The following RNF24 variants were observed in gnomAD, a reference collection of about 807,000 sequenced individuals.
RNF24 encodes the protein ring finger protein 24.
A neutral mutation model predicts 20.0 loss-of-function variants in RNF24; 14 were observed. That is an observed-to-expected ratio of 0.70 (90% confidence interval 0.46 to 1.10). RNF24 has a LOEUF of 1.10. Ranked by LOEUF, RNF24 falls within the 50% of genes least tolerant of loss-of-function variation. RNF24 has a pLI of 0.00. For synonymous variants in RNF24, 45 were observed against 61.1 expected, an observed-to-expected ratio of 0.74 and a Z score of 1.23; for missense variants, 124 against 177.6, an observed-to-expected ratio of 0.70 and a Z score of 1.71.
At chr20:4,010,930 G>A in intron 1 of RNF24, among the ~76,000 whole-genome samples, 1 of 152,192 alleles carries the variant, frequency 6.6e-6, no homozygotes, top group East Asian at 1.9e-4. Context: ...TCAAGAGGAG[G>A]AAACAAAGAC....
At chr20:4,003,911 T>A (rs945593726) in intron 1 of RNF24, among the ~76,000 whole-genome samples, 3 of 151,916 alleles carry the variant, frequency 2.0e-5, no homozygotes, top group Non-Finnish European at 4.4e-5. Context: ...TTCCAAAGTG[T>A]TGGGATTACA....
chr20:3,971,486 T>G (rs1978353581), intron 1 of RNF24, among the ~76,000 whole-genome samples: 1 of 152,202 alleles, frequency 6.6e-6, no homozygotes, highest in Admixed American at 6.5e-5. Flanking sequence ...TTCCTTCTCT[T>G]GAGTTTTCTA....
Position 3,964,029 on chromosome 20 carries a change from G to T in RNF24, c.-7-5C>A. ...AAATCCGAGCTCATGGATGAACTGT[G>T]GGGGAAGAAAAGAATGGAAAAAAAA... On this transcript the variant is annotated splice_region_variant and splice_polypyrimidine_tract_variant and intron_variant, in intron 1 of 5. Transcript: ENST00000358395. 1 of 1,609,708 alleles carries T rather than the reference G, an allele frequency of 6.2e-7. No homozygotes were observed.
At chr20:3,998,494 G>A (rs1049527792) in intron 1 of RNF24, among the ~76,000 whole-genome samples, 4 of 136,596 alleles carry the variant, frequency 2.9e-5, no homozygotes, top group South Asian at 2.4e-4. Context: ...AGAATCACTT[G>A]AACCCGAGAG....
At chr20:3,980,256 TAAG>T (rs1311222873) in intron 1 of RNF24, among the ~76,000 whole-genome samples, 1 of 152,206 alleles carries the variant, frequency 6.6e-6, no homozygotes, top group Non-Finnish European at 1.5e-5. Context: ...CTTGCATAGA[TAAG>T]TAGTCTGCTA....
At chr20:3,946,569 G>A (rs1395553541) in intron 3 of RNF24, among the ~76,000 whole-genome samples, 1 of 151,324 alleles carries the variant, frequency 6.6e-6, no homozygotes, top group Non-Finnish European at 1.5e-5. Context: ...TGCGCCTGTA[G>A]CCCCAGCTAT....
At chr20:3,986,756 T>C (rs1233628760) in intron 1 of RNF24, among the ~76,000 whole-genome samples, 5 of 149,684 alleles carry the variant, frequency 3.3e-5, no homozygotes, top group African/African-American at 1.2e-4. Context: ...CAAGCAAATT[T>C]TCCTGCCTTA....
In RNF24 at chr20:3,936,120, T is replaced by C. The variant is rs147974806; in HGVS notation, c.229-1047A>G. 1.5e-3 allele frequency among the ~76,000 whole-genome samples: 224 copies of C among 152,368 alleles called. 1 individual carries two copies. The highest frequency in any genetic ancestry group is 5.2e-3 in the African/African-American group (217 of 41,592). ...AGGACATGTGGCTCTTGGTGCCCAG[T>C]GAACCGTGCCATGTTGGTTTTTAAA... is the stretch of plus-strand genomic sequence containing the variant. On this transcript the variant is annotated intron_variant, in intron 4 of 5. Transcript: ENST00000358395.
chr20:3,971,854 C>A (rs1032454933), intron 1 of RNF24, among the ~76,000 whole-genome samples: 1 of 152,036 alleles, frequency 6.6e-6, no homozygotes, highest in South Asian at 2.1e-4. Flanking sequence ...AATTAAAACA[C>A]AGAGACTGGC....
Position 4,004,108 on chromosome 20 carries a change from G to A in RNF24, c.-8+11329C>T, listed in dbSNP as rs556531003. Reference sequence around the variant, plus strand: ...ACTTTAGTCAAATGCATTAGTTATCGTTCCTGAAGATGACTCCCTATCTTT... The same window carrying A: ...ACTTTAGTCAAATGCATTAGTTATCATTCCTGAAGATGACTCCCTATCTTT... On this transcript the variant is annotated intron_variant, in intron 1 of 5. Coordinates refer to ENST00000358395, the MANE Select transcript of RNF24 (RefSeq NM_001134337.3). 3.3e-5 allele frequency among the ~76,000 whole-genome samples: 5 copies of A among 152,178 alleles called. No individual in the cohort carries two copies. In the East Asian group the frequency reaches 5.8e-4, roughly 18 times the overall value.
intron 4 of RNF24, among the ~76,000 whole-genome samples, chr20:3,943,731 C>T (rs1199607782): frequency 6.6e-6 from 1 of 152,072 alleles, no homozygotes; most frequent in Non-Finnish European, 1.5e-5. Flanking sequence ...TGTATTTATT[C>T]AGGACAAAGT....
At chr20:3,999,213 C>A (rs1981175316) in intron 1 of RNF24, among the ~76,000 whole-genome samples, 1 of 152,114 alleles carries the variant, frequency 6.6e-6, no homozygotes, top group South Asian at 2.1e-4. Context: ...GAGAGTGTTG[C>A]AACAGTTTTA....
intron 1 of RNF24, among the ~76,000 whole-genome samples, chr20:4,001,928 C>CAG (rs1981428238): frequency 6.6e-6 from 1 of 151,816 alleles, no homozygotes; most frequent in Non-Finnish European, 1.5e-5. Context: ...GCCTGGGCGA[C>CAG]AGTGAGACCC....
Position 3,933,925 on chromosome 20 carries a change from T to G in RNF24, c.*138A>C. On this transcript the variant is annotated 3_prime_UTR_variant, in exon 6 of 6. Coordinates refer to ENST00000358395, the MANE Select transcript of RNF24 (RefSeq NM_001134337.3). ...CAGACACCTAGGTTCCCAGTTTGGC[T>G]GGCCCAAGAGTTCTTCATGAGGCAA... 1 of 849,708 alleles carries G rather than the reference T, an allele frequency of 1.2e-6. No homozygotes were observed. The highest frequency in any genetic ancestry group is 1.7e-6 in the Non-Finnish European group (1 of 604,180). The allele number at this position is 849,708 out of a possible 1,614,324, so 52.6% of individuals were successfully genotyped here.
chr20:3,941,956 C>T (rs2090960929), intron 4 of RNF24, among the ~76,000 whole-genome samples: 1 of 151,782 alleles, frequency 6.6e-6, no homozygotes, highest in South Asian at 2.1e-4. Context: ...CATCTGTAAT[C>T]CCAGCTACTT....
intron 1 of RNF24, among the ~76,000 whole-genome samples, chr20:3,982,466 A>G (rs892575931): frequency 6.6e-6 from 1 of 150,794 alleles, no homozygotes; most frequent in Admixed American, 6.6e-5. Context: ...AATCCCAGCT[A>G]CTCGGGAGGT....
intron 1 of RNF24, among the ~76,000 whole-genome samples, chr20:4,012,888 A>AT (rs1982574287): frequency 6.6e-6 from 1 of 152,152 alleles, no homozygotes; most frequent in South Asian, 2.1e-4. Flanking sequence ...TTTATCTAAG[A>AT]CTTCCCCTTA....
chr20:4,008,255 C>A (rs1320621997), intron 1 of RNF24, among the ~76,000 whole-genome samples: 1 of 136,782 alleles, frequency 7.3e-6, no homozygotes, highest in African/African-American at 2.8e-5. Flanking sequence ...AGTGAAAGAG[C>A]TGGAATTCAA....
chr20:4,009,541 G>T (rs1982265797), intron 1 of RNF24, among the ~76,000 whole-genome samples: 1 of 152,172 alleles, frequency 6.6e-6, no homozygotes, highest in Non-Finnish European at 1.5e-5. Flanking sequence ...ACATTTGGTT[G>T]GGGGGAAGAT....
Sources: allele counts gnomAD v4.1 joint callset (sites outside exome capture counted in the v4.1 genomes callset), GRCh38; gene constraint gnomAD v4.1.1; transcripts MANE v1.5; gene names NCBI Gene and HGNC (gene_info 2026-07-23, HGNC 2026-07-21).